The following RAB3GAP2 variants were observed in gnomAD, a reference collection of about 807,000 sequenced individuals.
The protein encoded by RAB3GAP2 is rab3 GTPase-activating protein non-catalytic subunit.
In RAB3GAP2, 87 loss-of-function variants were observed where a neutral mutation model predicts 185.3. The ratio of observed to expected loss-of-function variants is 0.47; its 90% CI spans 0.39 to 0.56. RAB3GAP2 has a LOEUF of 0.56. Ranked by LOEUF, RAB3GAP2 falls within the 20% of genes least tolerant of loss-of-function variation. The probability of loss-of-function intolerance (pLI) is 0.00; values close to 1 mark genes in which losing one functional copy is unlikely to be tolerated. For synonymous variants in RAB3GAP2, 554 were observed against 576.1 expected (o/e 0.96, Z 0.55); for missense variants, 1,492 against 1,638.2 (o/e 0.91, Z 1.54).
chr1:220,197,903 TCA>T (rs1658760697), intron 9 of RAB3GAP2, among the ~76,000 whole-genome samples: 1 of 152,186 alleles, frequency 6.6e-6, no homozygotes, highest in South Asian at 2.1e-4. Flanking sequence ...TTAGATCCTG[TCA>T]TCAGCAACTG....
At chr1:220,169,446 T>TA (rs1180780593) in intron 24 of RAB3GAP2, among the ~76,000 whole-genome samples, 3 of 152,196 alleles carry the variant, frequency 2.0e-5, no homozygotes, top group African/African-American at 4.8e-5. Context: ...AATTTGCAGT[T>TA]AGTGAATCAT....
At chr1:220,254,952 C>CT (rs59174009) in intron 1 of RAB3GAP2, among the ~76,000 whole-genome samples, 4,835 of 131,468 alleles carry the variant, frequency 0.037, 77 homozygotes, top group Middle Eastern at 0.057. Flanking sequence ...TCCATTTGTG[C>CT]TTTTTTTTTT....
intron 1 of RAB3GAP2, among the ~76,000 whole-genome samples, chr1:220,249,071 G>C (rs897627946): frequency 1.7e-4 from 26 of 152,162 alleles, no homozygotes; most frequent in Non-Finnish European, 1.5e-5. Context: ...TACTGGAAGT[G>C]GGGTGCTGCC....
At chr1:220,191,810 CT>C (rs1284991600) in intron 13 of RAB3GAP2, among the ~76,000 whole-genome samples, 1 of 150,420 alleles carries the variant, frequency 6.6e-6, no homozygotes, top group East Asian at 2.0e-4. Flanking sequence ...AAGAGCGAAA[CT>C]CTCTAAAAAA....
At chr1:220,185,832 C>A (rs1302351004) in intron 17 of RAB3GAP2, 91 bp from the exon 18 acceptor site, 13 of 909,618 alleles carry the variant, frequency 1.4e-5, no homozygotes, top group Middle Eastern at 2.9e-4. Flanking sequence ...TTCACTACCC[C>A]AAATTTCAAA....
intron 26 of RAB3GAP2, 53 bp from the exon 27 acceptor site, chr1:220,164,852 G>A (rs1233326670): frequency 7.7e-5 from 118 of 1,526,496 alleles, no homozygotes; most frequent in Non-Finnish European, 1.3e-5. Flanking sequence ...CATTTAATAG[G>A]TTTTACCATT....
intron 4 of RAB3GAP2, chr1:220,211,486 G>A (rs753745615): frequency 2.3e-4 from 91 of 395,456 alleles, no homozygotes; most frequent in Non-Finnish European, 3.5e-4. Context: ...ATTATTTTAG[G>A]AACTTATGTA....
intron 25 of RAB3GAP2, 50 bp downstream of exon 25, chr1:220,167,452 G>A (rs747828240): frequency 1.2e-6 from 2 of 1,612,544 alleles, no homozygotes; most frequent in South Asian, 1.1e-5. Context: ...TGAACACTTG[G>A]CCACATCTTT....
rs906913575 is a variant in RAB3GAP2 at position 220,272,123 on chromosome 1, G to A, written c.115+100C>T. On this transcript the variant is annotated intron_variant, in intron 1 of 34. Transcript: ENST00000358951. ...GCACGGGGAGAACTGGGGGTCCAGA[G>A]GGCAGAGGCAGGAGGCGCAGAGCGA... 11 of 1,020,906 alleles carry A rather than the reference G, an allele frequency of 1.1e-5. No homozygotes were observed. In the Admixed American group the frequency reaches 1.4e-4, roughly 13 times the overall value. The allele number at this position is 1,020,906 out of a possible 1,614,324, so 63.2% of individuals were successfully genotyped here.
At position 220,190,480 on chromosome 1, in the gene RAB3GAP2, CATT is replaced by C; in HGVS notation, c.1525_1527del (p.Asn509del). The stretch of plus-strand genomic sequence containing the variant: ...TGTGGCTGCCAACTCTGACTGGTAA[CATT>C]ATTTAAACCCATTATTTTATAGCCA... On this transcript the variant is annotated inframe_deletion, in exon 15 of 35. Transcript: ENST00000358951. 1.2e-6 allele frequency: 2 copies of C among 1,607,988 alleles called. No homozygotes were observed. The highest frequency in any genetic ancestry group is 1.7e-6 in the Non-Finnish European group (2 of 1,174,458).
At chr1:220,232,370 T>C (rs956576232) in intron 2 of RAB3GAP2, among the ~76,000 whole-genome samples, 6 of 152,176 alleles carry the variant, frequency 3.9e-5, no homozygotes, top group African/African-American at 1.4e-4. Flanking sequence ...TTCCTTATTG[T>C]GGGAGTGAAT....
intron 1 of RAB3GAP2, chr1:220,253,434 T>G: frequency 1.4e-6 from 2 of 1,394,550 alleles, no homozygotes; most frequent in Non-Finnish European, 1.9e-6. Context: ...GCCAGACTGT[T>G]AAAAGAAAAC....
intron 2 of RAB3GAP2, among the ~76,000 whole-genome samples, chr1:220,215,260 G>A (rs1000039753): frequency 2.4e-4 from 36 of 152,054 alleles, no homozygotes; most frequent in African/African-American, 8.2e-4. Flanking sequence ...AAGGGAATGT[G>A]TATTAGTAAA....
chr1:220,198,589 C>T (rs1029455343), intron 9 of RAB3GAP2, among the ~76,000 whole-genome samples: 1 of 152,148 alleles, frequency 6.6e-6, no homozygotes, highest in Non-Finnish European at 1.5e-5. Context: ...CTCTCTTTCT[C>T]GCCCTATATC....
At chr1:220,190,032 A>G in intron 16 of RAB3GAP2, 32 bp downstream of exon 16, 1 of 1,473,222 alleles carries the variant, frequency 6.8e-7, no homozygotes, top group Non-Finnish European at 9.5e-7. Context: ...ATAGAACAAT[A>G]TGCTTTATTA....
chr1:220,253,826 A>C, intron 1 of RAB3GAP2: 1 of 1,612,448 alleles, frequency 6.2e-7, no homozygotes, highest in Non-Finnish European at 8.5e-7. Context: ...CAGTATGCAG[A>C]GGGGAAGATG....
rs1157667071 is a variant in RAB3GAP2, at chr1:220,170,911, C to CT, written c.2786dup (p.Leu930ValfsTer19). 1 of 1,613,850 alleles carries CT rather than the reference C, an allele frequency of 6.2e-7. No individual in the cohort carries two copies. Among genetic ancestry groups the CT allele is most frequent in the Non-Finnish European group, 8.5e-7 (1 of 1,179,742 alleles). ...GCTTACCTTTTCCTCCTTCTAATAACTTTTTAACAGAAAGCCTTGGAAGTG... is the reference window on the plus strand; with the variant it reads ...GCTTACCTTTTCCTCCTTCTAATAACTTTTTTAACAGAAAGCCTTGGAAGTG... On this transcript the variant is annotated frameshift_variant, in exon 24 of 35. Transcript: ENST00000358951. LOFTEE classifies it high-confidence loss of function.
chr1:220,269,735 A>G (rs899588729), intron 1 of RAB3GAP2, among the ~76,000 whole-genome samples: 1 of 152,192 alleles, frequency 6.6e-6, no homozygotes, highest in Non-Finnish European at 1.5e-5. Context: ...AAAAAAGGCA[A>G]TGTTGTGATC....
chr1:220,229,054 T>C lies in RAB3GAP2; in HGVS notation c.180+3745A>G, dbSNP rs542582372. On this transcript the variant is annotated intron_variant, in intron 2 of 34. Transcript: ENST00000358951. The stretch of plus-strand genomic sequence containing the variant: ...TTAGGTTATCCCTAGATTTAGTATA[T>C]CCTTGCTGAAAAAAGAAGACATGCT... Among the ~76,000 whole-genome samples the C allele has an allele frequency of 9.8e-5, 15 of 152,292 alleles. No individual in the cohort carries two copies. In the South Asian group the frequency reaches 1.2e-3, roughly 13 times the overall value.
Sources: gnomAD v4.1 joint callset for allele counts (sites outside exome capture counted in the v4.1 genomes callset) on GRCh38, gnomAD v4.1.1 for gene constraint, MANE v1.5 for transcripts, NCBI Gene and HGNC (gene_info 2026-07-23, HGNC 2026-07-21) for gene names.